FZD8: variants seen among roughly 807,000 people sequenced by gnomAD.
FZD8 encodes the protein frizzled-8.
A neutral mutation model predicts 46.0 loss-of-function variants in FZD8; 18 were observed. That is an observed-to-expected ratio of 0.39 (90% confidence interval 0.27 to 0.58). The LOEUF (loss-of-function observed/expected upper bound fraction) is 0.58, where lower values mean the gene tolerates loss of function less well. Ranked by LOEUF, FZD8 falls within the 20% of genes least tolerant of loss-of-function variation. The pLI is 0.55. For synonymous variants in FZD8, 586 were observed against 467.9 expected (o/e 1.25, Z -3.26); for missense variants, 785 against 983.4 (o/e 0.80, Z 2.70).
rs1432735949 is a variant in FZD8, at chr10:35,639,483, G to A, written c.1947C>T (p.Gly649=). 8 of 881,512 alleles carry A rather than the reference G, an allele frequency of 9.1e-6. No homozygotes were observed. The highest frequency in any genetic ancestry group is 1.0e-4 in the South Asian group (2 of 19,838). 54.6% of individuals were successfully genotyped at this position (881,512 alleles called of 1,614,324 possible). A position where few individuals can be genotyped will look rare whatever the true frequency, so the allele number is the denominator to read the frequency against. ...GCCCCCCGCCGCCGCCGGGTCCCCCGCCGCCGCCGCCCCCCGGCCCGCCGC... is the reference window on the plus strand; with the variant it reads ...GCCCCCCGCCGCCGCCGGGTCCCCCACCGCCGCCGCCCCCCGGCCCGCCGC... ...GGGGGPGGGG[G]GGPGGGGGPG... Residue 649 remains glycine, a synonymous_variant, in exon 1 of 1, where the codon GGC becomes GGT. Coordinates refer to ENST00000374694, the MANE Select transcript of FZD8 (RefSeq NM_031866.3).
Position 35,641,722 on chromosome 10 carries a change from T to G in FZD8, c.-293A>C. ...GTAGGTCCGCTCTGCTGGCCCCGGGTCGCGCTCAGCCCTCGCGGCGCAGAG... is the reference window on the plus strand; with the variant it reads ...GTAGGTCCGCTCTGCTGGCCCCGGGGCGCGCTCAGCCCTCGCGGCGCAGAG... On this transcript the variant is annotated 5_prime_UTR_variant, in exon 1 of 1. Coordinates refer to ENST00000374694, the MANE Select transcript of FZD8 (RefSeq NM_031866.3). The surrounding 1 kb of genome is among the most constrained non-coding windows in gnomAD (Gnocchi z 6.3). The G allele has an allele frequency of 7.0e-6, 2 of 286,218 alleles. No individual in the cohort carries two copies. Among genetic ancestry groups the G allele is most frequent in the Non-Finnish European group, 1.3e-5 (2 of 155,242 alleles). 17.7% of individuals were successfully genotyped at this position (286,218 alleles called of 1,614,324 possible).
At position 35,639,141 on chromosome 10, in the gene FZD8, T is replaced by G. The variant is rs2135499528; in HGVS notation, c.*204A>C. 1 of 191,128 alleles carries G rather than the reference T, an allele frequency of 5.2e-6. No individual in the cohort carries two copies. The highest frequency in any genetic ancestry group is 1.1e-4 in the East Asian group (1 of 9,220). 11.8% of individuals were successfully genotyped at this position (191,128 alleles called of 1,614,324 possible). On this transcript the variant is annotated 3_prime_UTR_variant, in exon 1 of 1. Coordinates refer to ENST00000374694, the MANE Select transcript of FZD8 (RefSeq NM_031866.3). ...CATCAATGGAGGAAAAGGGGCTGGG[T>G]CTGGGAGGCTTCAATGCCAGGTACT...
rs376812791 is a variant in FZD8, at chr10:35,640,272, C to T, written c.1158G>A (p.Val386=). ...YEELGAVEQH[V]RYETTGPALC... is the part of the protein sequence containing the mutation. ...GCGCGGGGCCGGTGGTCTCGTAGCGCACGTGCTGCTCCACCGCGCCCAGCT... is the reference window on the plus strand; with the variant it reads ...GCGCGGGGCCGGTGGTCTCGTAGCGTACGTGCTGCTCCACCGCGCCCAGCT... Residue 386 remains valine, a synonymous_variant, in exon 1 of 1, where the codon GTG becomes GTA. Transcript: ENST00000374694. The T allele has an allele frequency of 5.0e-6, 8 of 1,601,682 alleles. No homozygotes were observed. In the African/African-American group the frequency reaches 1.1e-4, roughly 21 times the overall value.
In FZD8 at chr10:35,640,860, G is replaced by C; in HGVS notation, c.570C>G (p.Pro190=). 1 of 978,814 alleles carries C rather than the reference G, an allele frequency of 1.0e-6. No homozygotes were observed. Among genetic ancestry groups the C allele is most frequent in the Non-Finnish European group, 1.2e-6 (1 of 826,874 alleles). The allele number at this position is 978,814 out of a possible 1,614,324, so 60.6% of individuals were successfully genotyped here. ...SGHGRPPGAR[P]PHRGGGRGGG... is the part of the protein sequence containing the mutation. ...CGCCCCTGCCGCCGCCGCGGTGCGG[G>C]GGCCTGGCCCCCGGCGGGCGGCCGT... is the stretch of plus-strand genomic sequence containing the variant. The change falls in exon 1 of 1, where the codon CCC becomes CCG. Residue 190 remains proline, a synonymous_variant. Transcript: ENST00000374694.
rs1375169941 is a variant in FZD8, at chr10:35,639,936, C to T, written c.1494G>A (p.Met498Ile). Residue 498 changes from methionine to isoleucine, a missense_variant, in exon 1 of 1, where the codon ATG becomes ATA. Transcript: ENST00000374694. ...GGGACACGAAGCCGGCCAGCAGGAA[C>T]ATGGTGCCGATGAAGAGGTAGATGA... is the stretch of plus-strand genomic sequence containing the variant. ...PLVIYLFIGTMFLLAGFVSLF... is the reference protein window; with the variant it reads ...PLVIYLFIGTIFLLAGFVSLF... 1.9e-6 allele frequency: 3 copies of T among 1,613,060 alleles called. No individual in the cohort carries two copies. Among genetic ancestry groups the T allele is most frequent in the Non-Finnish European group, 2.5e-6 (3 of 1,179,944 alleles).
Position 35,641,461 on chromosome 10 carries a change from C to A in FZD8, c.-32G>T. On this transcript the variant is annotated 5_prime_UTR_variant, in exon 1 of 1. Transcript: ENST00000374694. The surrounding 1 kb of genome is among the most constrained non-coding windows in gnomAD (Gnocchi z 6.3). ...CGCCTCGGCCCGGTGCCCTCGCCCT[C>A]CAGGCGGCGCGCAGAGGGGTGCCGG... The A allele has an allele frequency of 6.5e-7, 1 of 1,539,770 alleles. No individual in the cohort carries two copies. The highest frequency in any genetic ancestry group is 1.2e-5 in the South Asian group (1 of 82,560).
At position 35,640,819 on chromosome 10, in the gene FZD8, G is replaced by C; in HGVS notation, c.611C>G (p.Ala204Gly). ...GCCGCCGCGAGCTGGGGGCGCCGCCGCGTCCCCGCCGCCACCGCCCCTGCC... is the reference window on the plus strand; with the variant it reads ...GCCGCCGCGAGCTGGGGGCGCCGCCCCGTCCCCGCCGCCACCGCCCCTGCC... The part of the protein sequence containing the change: ...GGGRGGGGGD[A>G]AAPPARGGGG... The change falls in exon 1 of 1, where the codon GCG becomes GGG. Residue 204 changes from alanine (A) to glycine (G), a missense_variant. Physicochemically the swap from Ala to Gly is moderately conservative, Grantham distance 60. Coordinates refer to ENST00000374694, the MANE Select transcript of FZD8 (RefSeq NM_031866.3). 3 of 983,560 alleles carry C rather than the reference G, an allele frequency of 3.1e-6. No homozygotes were observed. Among genetic ancestry groups the C allele is most frequent in the Non-Finnish European group, 3.6e-6 (3 of 830,554 alleles). 60.9% of individuals were successfully genotyped at this position (983,560 alleles called of 1,614,324 possible).
chr10:35,639,682 T>C lies in FZD8; in HGVS notation c.1748A>G (p.Tyr583Cys), dbSNP rs1835823229. 4 of 1,599,206 alleles carry C rather than the reference T, an allele frequency of 2.5e-6. No homozygotes were observed. The highest frequency in any genetic ancestry group is 3.4e-6 in the Non-Finnish European group (4 of 1,179,688). The change falls in exon 1 of 1, where the codon TAC becomes TGC. Residue 583 changes from tyrosine to cysteine, a missense_variant. Physicochemically the swap from Tyr to Cys is radical, Grantham distance 194 (BLOSUM62 -2). This residue lies in a region of FZD8 where 185 missense variants were observed against 180.8 expected (regional missense o/e 1.02). Transcript: ENST00000374694. ...GAAGTACTTGAGCATGAAGACGGCG[T>C]AGTCGGGCCTGCGTGCCTGGTCGGG... ...LQPDQARRPD[Y>C]AVFMLKYFMC... is the part of the protein sequence containing the mutation.
Position 35,639,755 on chromosome 10 carries a change from G to C in FZD8, c.1675C>G (p.Pro559Ala), listed in dbSNP as rs760904587. The change falls in exon 1 of 1, where the codon CCG (proline) becomes GCG (alanine). Residue 559 changes from proline to alanine, a missense_variant. Transcript: ENST00000374694. ...ACLFYEQHNR[P>A]RWEATHNCPC... ...CAGTTGTGCGTGGCCTCCCAGCGCG[G>C]GCGGTTGTGCTGCTCGTAGAAGAGG... 1.2e-6 allele frequency: 2 copies of C among 1,600,578 alleles called. No homozygotes were observed. Among genetic ancestry groups the C allele is most frequent in the African/African-American group, 2.7e-5 (2 of 74,906 alleles).
Position 35,641,278 on chromosome 10 carries a change from G to A in FZD8, c.152C>T (p.Thr51Ile), listed in dbSNP as rs1835855649. 1.2e-6 allele frequency: 2 copies of A among 1,613,952 alleles called. No individual in the cohort carries two copies. The highest frequency in any genetic ancestry group is 1.7e-6 in the Non-Finnish European group (2 of 1,179,966). The change falls in exon 1 of 1, where the codon ACC (threonine) becomes ATC (isoleucine). Residue 51 changes from threonine to isoleucine, a missense_variant. By Grantham distance (89) the Thr-to-Ile change is moderately conservative (BLOSUM62 -1). Transcript: ENST00000374694. This position sits in a 1 kb window ranked among gnomAD's most constrained non-coding sequence, Gnocchi z 6.3. ...PLCKGIGYNY[T>I]YMPNQFNHDT... ...GTGGTTGAACTGATTGGGCATGTAGGTGTAGTTGTAGCCGATGCCCTTACA... is the reference window on the plus strand; with the variant it reads ...GTGGTTGAACTGATTGGGCATGTAGATGTAGTTGTAGCCGATGCCCTTACA...
Position 35,639,904 on chromosome 10 carries a change from C to A in FZD8, c.1526G>T (p.Arg509Leu), listed in dbSNP as rs1258682000. The A allele has an allele frequency of 1.2e-6, 2 of 1,612,436 alleles. No homozygotes were observed. Among genetic ancestry groups the A allele is most frequent in the Non-Finnish European group, 1.7e-6 (2 of 1,179,888 alleles). ...CTGTTGCTTGATGACCGAGCGGATG[C>A]GGAAGAGGGACACGAAGCCGGCCAG... ...FLLAGFVSLF[R>L]IRSVIKQQDG... The change falls in exon 1 of 1, where the codon CGC becomes CTC. Residue 509 changes from arginine to leucine, a missense_variant. By Grantham distance (102) the Arg-to-Leu change is moderately radical (BLOSUM62 -2). Coordinates refer to ENST00000374694, the MANE Select transcript of FZD8 (RefSeq NM_031866.3).
At position 35,640,792 on chromosome 10, in the gene FZD8, CCGCCGCCGCGAGCTGGGGG is replaced by C. The variant is rs1835847529; in HGVS notation, c.619_637del (p.Pro207AlafsTer27). ...AGGGGGCCGCGCCTTCCCGCCACCG[CCGCCGCCGCGAGCTGGGGG>C]CGCCGCCGCGTCCCCGCCGCCACCG... On this transcript the variant is annotated frameshift_variant, in exon 1 of 1. Transcript: ENST00000374694. LOFTEE classifies it high-confidence loss of function. 1 of 1,101,148 alleles carries C rather than the reference CCGCCGCCGCGAGCTGGGGG, an allele frequency of 9.1e-7. No homozygotes were observed. Among genetic ancestry groups the C allele is most frequent in the Non-Finnish European group, 1.1e-6 (1 of 904,924 alleles). 68.2% of individuals were successfully genotyped at this position (1,101,148 alleles called of 1,614,324 possible).
In FZD8 at chr10:35,639,819, G is replaced by A. The variant is rs564537581; in HGVS notation, c.1611C>T (p.Thr537=). 37 of 1,605,198 alleles carry A rather than the reference G, an allele frequency of 2.3e-5. 1 individual carries two copies. In the East Asian group the frequency reaches 3.6e-4, roughly 15 times the overall value. The part of the protein sequence containing the change: ...EKLMIRLGLF[T]VLYTVPAAVV... ...CCGCGGCGGGCACGGTGTAGAGCAC[G>A]GTGAACAGGCCCAGGCGGATCATCA... Residue 537 remains threonine, a synonymous_variant, in exon 1 of 1, where the codon ACC becomes ACT. Transcript: ENST00000374694.
Position 35,640,934 on chromosome 10 carries a change from G to C in FZD8, c.496C>G (p.Arg166Gly). ...TCGCCGGGCGGCGGCGGCGGCAGGC[G>C]GCGCGGCGGGCTGGGCGCGGCGGTG... Reference protein sequence around the residue: ...LTTAAPSPPRRLPPPPPGEQP... With the variant: ...LTTAAPSPPRGLPPPPPGEQP... The change falls in exon 1 of 1, where the codon CGC becomes GGC. Residue 166 changes from arginine to glycine, a missense_variant. Coordinates refer to ENST00000374694, the MANE Select transcript of FZD8 (RefSeq NM_031866.3). The C allele has an allele frequency of 7.7e-7, 1 of 1,292,428 alleles. No individual in the cohort carries two copies. 80.1% of individuals were successfully genotyped at this position (1,292,428 alleles called of 1,614,324 possible). A position where few individuals can be genotyped will look rare whatever the true frequency, so the allele number is the denominator to read the frequency against.
Position 35,639,399 on chromosome 10 carries a change from C to G in FZD8, c.2031G>C (p.Ser677=). Residue 677 remains serine (S), a synonymous_variant, in exon 1 of 1, where the codon TCG becomes TCC. Coordinates refer to ENST00000374694, the MANE Select transcript of FZD8 (RefSeq NM_031866.3). ...SDVSTGLTWR[S]GTASSVSYPK... ...GATAAGACACGGAGCTCGCCGTGCC[C>G]GACCGCCACGTCAGGCCAGTGCTGA... The G allele has an allele frequency of 6.8e-7, 1 of 1,469,856 alleles. No individual in the cohort carries two copies. 91.1% of individuals were successfully genotyped at this position (1,469,856 alleles called of 1,614,324 possible).
At position 35,639,227 on chromosome 10, in the gene FZD8, G is replaced by T. The variant is rs1835809724; in HGVS notation, c.*118C>A. 1.0e-5 allele frequency: 3 copies of T among 295,220 alleles called. No homozygotes were observed. The highest frequency in any genetic ancestry group is 5.3e-5 in the Admixed American group (1 of 18,794). 18.3% of individuals were successfully genotyped at this position (295,220 alleles called of 1,614,324 possible). ...GATACCATTAAGAGTTCATTATCAT[G>T]CTAATAGCAATCAACACTGTGAAGG... On this transcript the variant is annotated 3_prime_UTR_variant, in exon 1 of 1. Coordinates refer to ENST00000374694, the MANE Select transcript of FZD8 (RefSeq NM_031866.3).
rs1158066638 is a variant in FZD8, at chr10:35,640,880, G to A, written c.550C>T (p.Arg184Cys). 5.1e-6 allele frequency: 5 copies of A among 981,942 alleles called. No homozygotes were observed. Among genetic ancestry groups the A allele is most frequent in the Non-Finnish European group, 6.0e-6 (5 of 828,606 alleles). 60.8% of individuals were successfully genotyped at this position (981,942 alleles called of 1,614,324 possible). A position where few individuals can be genotyped will look rare whatever the true frequency, so the allele number is the denominator to read the frequency against. ...TGCGGGGGCCTGGCCCCCGGCGGGC[G>A]GCCGTGGCCGCTGCCCGAAGGCGGC... ...EQPPSGSGHGRPPGARPPHRG... is the reference protein window; with the variant it reads ...EQPPSGSGHGCPPGARPPHRG... Residue 184 changes from arginine (R) to cysteine (C), a missense_variant, in exon 1 of 1, where the codon CGC (arginine) becomes TGC (cysteine). By Grantham distance (180) the Arg-to-Cys change is radical. Transcript: ENST00000374694.
At position 35,641,488 on chromosome 10, in the gene FZD8, G is replaced by C. The variant is rs1469362150; in HGVS notation, c.-59C>G. The C allele has an allele frequency of 6.6e-7, 1 of 1,513,840 alleles. No homozygotes were observed. Among genetic ancestry groups the C allele is most frequent in the Non-Finnish European group, 8.8e-7 (1 of 1,137,778 alleles). The allele number at this position is 1,513,840 out of a possible 1,614,324, so 93.8% of individuals were successfully genotyped here. A position where few individuals can be genotyped will look rare whatever the true frequency, so the allele number is the denominator to read the frequency against. On this transcript the variant is annotated 5_prime_UTR_variant, in exon 1 of 1. Coordinates refer to ENST00000374694, the MANE Select transcript of FZD8 (RefSeq NM_031866.3). The surrounding 1 kb of genome is among the most constrained non-coding windows in gnomAD (Gnocchi z 6.3). ...AGGCGGCGCGCAGAGGGGTGCCGGGGGGGGGGCCCACGAGAGAGCCGCAGA... is the reference window on the plus strand; with the variant it reads ...AGGCGGCGCGCAGAGGGGTGCCGGGCGGGGGGCCCACGAGAGAGCCGCAGA...
rs1013671725 is a variant in FZD8, at chr10:35,641,662, G to A, written c.-233C>T. On this transcript the variant is annotated 5_prime_UTR_variant, in exon 1 of 1. Coordinates refer to ENST00000374694, the MANE Select transcript of FZD8 (RefSeq NM_031866.3). The surrounding 1 kb of genome is among the most constrained non-coding windows in gnomAD (Gnocchi z 6.3). ...CCGCACTCCTTTCCGCCGCTCCGGGGGTTTGAAGGCGGCTGCAGGCGCGCG... is the reference window on the plus strand; with the variant it reads ...CCGCACTCCTTTCCGCCGCTCCGGGAGTTTGAAGGCGGCTGCAGGCGCGCG... 51 of 526,426 alleles carry A rather than the reference G, an allele frequency of 9.7e-5. No individual in the cohort carries two copies. Among genetic ancestry groups the A allele is most frequent in the African/African-American group, 9.5e-4 (48 of 50,312 alleles). The allele number at this position is 526,426 out of a possible 1,614,324, so 32.6% of individuals were successfully genotyped here. A position where few individuals can be genotyped will look rare whatever the true frequency, so the allele number is the denominator to read the frequency against.
Sources: gnomAD v4.1 joint callset for allele counts on GRCh38, gnomAD v4.1.1 for gene constraint, gnomAD v4.1.1 regional missense constraint, Gnocchi (gnomAD v3.1) non-coding constraint, MANE v1.5 for transcripts, NCBI Gene and HGNC (gene_info 2026-07-23, HGNC 2026-07-21) for gene names.